Variants in DDX46 observed in about 807,000 individuals in gnomAD.
The protein encoded by DDX46 is probable ATP-dependent RNA helicase DDX46.
DDX46 carries 30 observed loss-of-function variants against 134.9 expected under a neutral mutation model. The observed-to-expected ratio is 0.22, with a 90% confidence interval of 0.17 to 0.30. DDX46 has a LOEUF of 0.30. Among genes scored for constraint, DDX46 ranks in the 10% least tolerant of loss-of-function variants. The pLI, the probability that DDX46 is intolerant of heterozygous loss-of-function variation, is 1.00. For missense variants in DDX46, 622 were observed against 1,248.7 expected (o/e 0.50, Z 7.56); for synonymous variants, 415 against 404.1 (o/e 1.03, Z -0.32).
intron 2 of DDX46, among the ~76,000 whole-genome samples, chr5:134,765,012 A>G (rs1166539234): frequency 6.6e-6 from 1 of 151,410 alleles, no homozygotes; most frequent in Non-Finnish European, 1.5e-5. Context: ...CTCTTAAACT[A>G]TTTTAATGAG....
intron 16 of DDX46, among the ~76,000 whole-genome samples, chr5:134,808,864 C>A (rs1445268429): frequency 1.3e-5 from 2 of 152,130 alleles, no homozygotes; most frequent in Non-Finnish European, 2.9e-5. Flanking sequence ...ATTTATATGC[C>A]ATAGCTTACA....
chr5:134,760,346 T>C (rs1380785822), intron 1 of DDX46, among the ~76,000 whole-genome samples: 1 of 152,018 alleles, frequency 6.6e-6, no homozygotes, highest in Non-Finnish European at 1.5e-5. Flanking sequence ...AGGCGCAAGG[T>C]GTTAGAGAAA....
intron 1 of DDX46, among the ~76,000 whole-genome samples, chr5:134,760,897 T>C (rs1461657142): frequency 6.6e-6 from 1 of 151,878 alleles, no homozygotes; most frequent in African/African-American, 2.4e-5. Context: ...GTCAGGCTAA[T>C]TTTTGTATTT....
intron 2 of DDX46, among the ~76,000 whole-genome samples, chr5:134,765,257 C>A (rs541870458): frequency 9.4e-4 from 142 of 150,600 alleles, no homozygotes; most frequent in Admixed American, 2.1e-3. Context: ...TTAATAGTGA[C>A]AAAGTTGGCC....
At chr5:134,759,442 C>T (rs1753308378) in intron 1 of DDX46, among the ~76,000 whole-genome samples, 1 of 152,174 alleles carries the variant, frequency 6.6e-6, no homozygotes, top group Non-Finnish European at 1.5e-5. Context: ...TTTTACTGGG[C>T]TACAATAAAT....
At chr5:134,811,046 A>G (rs898553190) in intron 16 of DDX46, among the ~76,000 whole-genome samples, 175 bp from the exon 17 acceptor site, 1 of 152,146 alleles carries the variant, frequency 6.6e-6, no homozygotes, top group African/African-American at 2.4e-5. Context: ...TTAAACTTGG[A>G]TATTTCACTT....
At chr5:134,779,315 T>A (rs1198731728) in intron 6 of DDX46, among the ~76,000 whole-genome samples, 1 of 152,052 alleles carries the variant, frequency 6.6e-6, no homozygotes, top group Non-Finnish European at 1.5e-5. Context: ...TACCTCAGCC[T>A]CCCGAGTAGC....
At position 134,773,972 on chromosome 5, in the gene DDX46, T is replaced by C. The variant is rs555851355; in HGVS notation, c.613+111T>C. On this transcript the variant is annotated intron_variant, in intron 5 of 22. Transcript: ENST00000452510. The stretch of plus-strand genomic sequence containing the variant: ...TTATTGTTGAAAACTATGCATAATA[T>C]GCTGTTTACCATTTTCATCATTTTC... The C allele has an allele frequency of 4.2e-5, 47 of 1,123,992 alleles. No homozygotes were observed. The Admixed American group carries it at 4.9e-4, about 12-fold the overall frequency. The allele number at this position is 1,123,992 out of a possible 1,614,324, so 69.6% of individuals were successfully genotyped here.
At chr5:134,817,422 A>C in intron 19 of DDX46, 74 bp from the exon 20 acceptor site, 1 of 1,418,558 alleles carries the variant, frequency 7.0e-7, no homozygotes, top group Non-Finnish European at 9.5e-7. Context: ...CTTTTCAGAG[A>C]ATAATTTGTG....
At chr5:134,762,177 T>C in intron 1 of DDX46, among the ~76,000 whole-genome samples, 1 of 149,512 alleles carries the variant, frequency 6.7e-6, no homozygotes, top group East Asian at 2.0e-4. Flanking sequence ...CTTGGGAGGC[T>C]GAGGTGGGAA....
In DDX46 at chr5:134,830,181, A is replaced by G. The variant is rs1755698694; in HGVS notation, c.*1475A>G. Reference sequence around the variant, plus strand: ...CAGATCAAAAATAGAAAAAAAAAAAAAAAGAAAAAAAGAATGTAAAATTTT... The same window carrying G: ...CAGATCAAAAATAGAAAAAAAAAAAGAAAGAAAAAAAGAATGTAAAATTTT... On this transcript the variant is annotated 3_prime_UTR_variant, in exon 23 of 23. Transcript: ENST00000452510. 1 of 151,634 alleles carries G rather than the reference A, an allele frequency of 6.6e-6. No homozygotes were observed. The highest frequency in any genetic ancestry group is 2.1e-4 in the South Asian group (1 of 4,828). The allele number at this position is 151,634 out of a possible 1,614,324, so 9.4% of individuals were successfully genotyped here.
Position 134,777,690 on chromosome 5 carries a change from A to G in DDX46, c.730A>G (p.Met244Val). The stretch of plus-strand genomic sequence containing the variant: ...GAAAGAGGAAGTAAAAAAATTTAAC[A>G]TGAGAAGTGTAAAAGGTGGTGGGGG... ...EVKEEVKKFN[M>V]RSVKGGGGNE... Residue 244 changes from methionine (M) to valine (V), a missense_variant, in exon 6 of 23, where the codon ATG becomes GTG. Met to Val is a conservative substitution (Grantham distance 21). Around this residue, in one of 8 missense-constraint regions of DDX46, gnomAD observed 244 missense variants for 349.3 expected, o/e 0.70. Transcript: ENST00000452510. The G allele has an allele frequency of 6.2e-7, 1 of 1,612,840 alleles. No individual in the cohort carries two copies. The highest frequency in any genetic ancestry group is 1.7e-5 in the Admixed American group (1 of 59,398).
intron 11 of DDX46, among the ~76,000 whole-genome samples, chr5:134,788,036 A>AC (rs1298570025): frequency 6.6e-6 from 1 of 151,938 alleles, no homozygotes; most frequent in East Asian, 1.9e-4. Context: ...AAAAAAAAAA[A>AC]AAAAAAAAGC....
intron 5 of DDX46, among the ~76,000 whole-genome samples, chr5:134,776,647 T>C (rs1483282662): frequency 6.6e-6 from 1 of 152,162 alleles, no homozygotes; most frequent in African/African-American, 2.4e-5. Context: ...CTGGGTGCAG[T>C]GGCTCACGCC....
At chr5:134,801,615 G>C (rs1029327011) in intron 15 of DDX46, among the ~76,000 whole-genome samples, 1 of 152,068 alleles carries the variant, frequency 6.6e-6, no homozygotes, top group East Asian at 1.9e-4. Flanking sequence ...TGCCTAGGCT[G>C]ATCTCAAACT....
Position 134,760,665 on chromosome 5 carries a change from C to T in DDX46, c.17+1710C>T, listed in dbSNP as rs528183213. On this transcript the variant is annotated intron_variant, in intron 1 of 22. Coordinates refer to ENST00000452510, the MANE Select transcript of DDX46 (RefSeq NM_001300860.2). The stretch of plus-strand genomic sequence containing the variant: ...ATATAGAATAGTGACGGTTGGAACT[C>T]TGTGGAGGTGATATAATGTGAAGGG... 9.9e-5 allele frequency among the ~76,000 whole-genome samples: 15 copies of T among 152,270 alleles called. No homozygotes were observed. The South Asian group carries it at 1.0e-3, about 11-fold the overall frequency.
In DDX46 at chr5:134,803,483, T is replaced by G. The variant is rs572455891; in HGVS notation, c.1955-4265T>G. 2.6e-5 allele frequency among the ~76,000 whole-genome samples: 4 copies of G among 152,254 alleles called. No homozygotes were observed. In the East Asian group the frequency reaches 7.7e-4, roughly 29 times the overall value. On this transcript the variant is annotated intron_variant, in intron 15 of 22. Coordinates refer to ENST00000452510, the MANE Select transcript of DDX46 (RefSeq NM_001300860.2). ...GTTTGTTTTGAACACTTTCTGGTGG[T>G]TTTTCTTATAAGACTGAGTTTCTGT...
intron 3 of DDX46, among the ~76,000 whole-genome samples, chr5:134,769,449 G>A (rs1220595970): frequency 6.7e-6 from 1 of 148,850 alleles, no homozygotes; most frequent in African/African-American, 2.5e-5. Flanking sequence ...TCCTGCCTCA[G>A]CCTCCTGAAT....
At chr5:134,823,578 A>G (rs1317155544) in intron 21 of DDX46, among the ~76,000 whole-genome samples, 3 of 152,208 alleles carry the variant, frequency 2.0e-5, no homozygotes, top group African/African-American at 7.2e-5. Flanking sequence ...GTTTGTGACT[A>G]TGAGAAACTG....
Sources: allele counts gnomAD v4.1 joint callset (sites outside exome capture counted in the v4.1 genomes callset), GRCh38; gene constraint gnomAD v4.1.1; regional missense constraint gnomAD v4.1.1; transcripts MANE v1.5; gene names NCBI Gene and HGNC (gene_info 2026-07-23, HGNC 2026-07-21).